The following PLXNC1 variants were observed in gnomAD, a reference collection of about 807,000 sequenced individuals.
PLXNC1 encodes the protein plexin C1.
In PLXNC1, 75 loss-of-function variants were observed where a neutral mutation model predicts 178.2. The observed-to-expected ratio is 0.42, with a 90% CI of 0.35 to 0.51. The LOEUF is 0.51. Among genes scored for constraint, PLXNC1 ranks in the 20% least tolerant of loss-of-function variants. The pLI is 0.02. For missense variants in PLXNC1, 1,503 were observed against 1,984.4 expected, an observed-to-expected ratio of 0.76 and a Z score of 4.61; for synonymous variants, 790 against 779.9, an observed-to-expected ratio of 1.01 and a Z score of -0.22.
At chr12:94,182,554 T>A (rs1172805231) in intron 3 of PLXNC1, among the ~76,000 whole-genome samples, 1 of 148,204 alleles carries the variant, frequency 6.7e-6, no homozygotes, top group Non-Finnish European at 1.5e-5. Flanking sequence ...TGAAACCCCA[T>A]CTCCACTAAA....
chr12:94,277,462 G>A (rs1341633650), intron 21 of PLXNC1, among the ~76,000 whole-genome samples: 2 of 152,102 alleles, frequency 1.3e-5, no homozygotes, highest in Non-Finnish European at 2.9e-5. Context: ...CATAAGTCAC[G>A]GGCTCACATG....
chr12:94,297,080 A>G (rs1245844140), intron 24 of PLXNC1, 109 bp from the exon 25 acceptor site: 2 of 1,039,266 alleles, frequency 1.9e-6, no homozygotes, highest in East Asian at 2.4e-5. Context: ...CAAAAAGCTC[A>G]AGTAACTTCA....
chr12:94,263,969 C>T (rs934694554), intron 20 of PLXNC1, among the ~76,000 whole-genome samples: 4 of 139,374 alleles, frequency 2.9e-5, no homozygotes, highest in Non-Finnish European at 1.6e-5. Flanking sequence ...GCAGGTGAGA[C>T]CCAGTGGAAT....
rs531196539 is a variant in PLXNC1, at chr12:94,229,797, G to C, written c.1980+2562G>C. Among the ~76,000 whole-genome samples, 4 of 152,260 alleles carry C rather than the reference G, an allele frequency of 2.6e-5. No homozygotes were observed. In the East Asian group the frequency reaches 7.7e-4, roughly 29 times the overall value. The stretch of plus-strand genomic sequence containing the variant: ...AGTAACGCACTGTTTGATTACTGTA[G>C]CTTTGTAAAGTAAATTTTGAAATCA... On this transcript the variant is annotated intron_variant, in intron 9 of 30. Coordinates refer to ENST00000258526, the MANE Select transcript of PLXNC1 (RefSeq NM_005761.3).
At chr12:94,158,760 A>AC (rs1429260539) in intron 1 of PLXNC1, among the ~76,000 whole-genome samples, 6 of 152,142 alleles carry the variant, frequency 3.9e-5, no homozygotes, top group Non-Finnish European at 7.4e-5. Context: ...ACGTAACACG[A>AC]CCCTGTCTCT....
intron 4 of PLXNC1, among the ~76,000 whole-genome samples, chr12:94,188,465 C>T (rs921490919): frequency 1.3e-5 from 2 of 151,580 alleles, no homozygotes; most frequent in African/African-American, 2.4e-5. Flanking sequence ...CTGGGATTAC[C>T]GGTACGTGCC....
At chr12:94,262,449 T>G in intron 20 of PLXNC1, 13 of 974,522 alleles carry the variant, frequency 1.3e-5, no homozygotes, top group South Asian at 4.7e-5. Context: ...ATTAGAGGGG[T>G]GAGATGTTCA....
intron 4 of PLXNC1, among the ~76,000 whole-genome samples, chr12:94,194,139 G>A (rs1962829345): frequency 6.6e-6 from 1 of 152,046 alleles, no homozygotes; most frequent in Admixed American, 6.6e-5. Context: ...GGAGGAAAGG[G>A]GGGTTGGGGA....
chr12:94,186,777 C>A, intron 4 of PLXNC1: 1 of 279,620 alleles, frequency 3.6e-6, no homozygotes, highest in South Asian at 5.2e-5. Flanking sequence ...TTCGCCAAGA[C>A]TCAAGAGAGA....
intron 15 of PLXNC1, among the ~76,000 whole-genome samples, chr12:94,252,136 C>A (rs1406315746): frequency 6.6e-6 from 1 of 152,146 alleles, no homozygotes; most frequent in Non-Finnish European, 1.5e-5. Context: ...GACAAATGTT[C>A]ATTTATGTAA....
At chr12:94,273,710 A>C (rs1965728058) in intron 21 of PLXNC1, among the ~76,000 whole-genome samples, 2 of 152,204 alleles carry the variant, frequency 1.3e-5, no homozygotes, top group African/African-American at 4.8e-5. Flanking sequence ...TGTATCACCT[A>C]CAGTGCCCTG....
At chr12:94,170,920 G>A (rs1961818901) in intron 2 of PLXNC1, among the ~76,000 whole-genome samples, 1 of 152,150 alleles carries the variant, frequency 6.6e-6, no homozygotes, top group Non-Finnish European at 1.5e-5. Flanking sequence ...CACCAACCTG[G>A]TCAGGCTTAT....
chr12:94,248,210 C>G lies in PLXNC1; in HGVS notation c.2593-17C>G, dbSNP rs1315911414. ...ACATGTGCTCTGATTTCTCCATCTT[C>G]ATTTTGTTCTTTACAGAAAGAAAAT... is the stretch of plus-strand genomic sequence containing the variant. On this transcript the variant is annotated splice_polypyrimidine_tract_variant and intron_variant, in intron 13 of 30. Transcript: ENST00000258526. 4.4e-6 allele frequency: 7 copies of G among 1,604,352 alleles called. No individual in the cohort carries two copies. Among genetic ancestry groups the G allele is most frequent in the Non-Finnish European group, 6.0e-6 (7 of 1,174,054 alleles).
At chr12:94,196,277 G>A (rs953979891) in intron 4 of PLXNC1, among the ~76,000 whole-genome samples, 33 of 152,096 alleles carry the variant, frequency 2.2e-4, no homozygotes, top group Non-Finnish European at 4.6e-4. Flanking sequence ...GGGAGGGGTC[G>A]GGTCATGGGA....
chr12:94,177,599 G>A (rs1042044761), intron 2 of PLXNC1, among the ~76,000 whole-genome samples: 2 of 151,690 alleles, frequency 1.3e-5, no homozygotes, highest in African/African-American at 4.8e-5. Flanking sequence ...GAGAAAGGAA[G>A]GGAGAGGAGA....
At position 94,285,990 on chromosome 12, in the gene PLXNC1, GTC is replaced by G. The variant is rs547737565; in HGVS notation, c.3879+3594_3879+3595del. On this transcript the variant is annotated intron_variant, in intron 23 of 30. Coordinates refer to ENST00000258526, the MANE Select transcript of PLXNC1 (RefSeq NM_005761.3). ...CCATTAATAGGAGGAGGCAGGGCAAGTCTCTCCAGCAGGGAGAATGAAGAACC... is the reference window on the plus strand; with the variant it reads ...CCATTAATAGGAGGAGGCAGGGCAAGTCTCCAGCAGGGAGAATGAAGAACC... Among the ~76,000 whole-genome samples the G allele has an allele frequency of 4.6e-5, 7 of 152,350 alleles. No individual in the cohort carries two copies. In the South Asian group the frequency reaches 1.0e-3, roughly 23 times the overall value.
chr12:94,284,258 TC>T (rs1966678453), intron 23 of PLXNC1, among the ~76,000 whole-genome samples: 1 of 152,176 alleles, frequency 6.6e-6, no homozygotes, highest in African/African-American at 2.4e-5. Context: ...AATTTGTTAG[TC>T]CTATGAAGGC....
At chr12:94,221,343 G>A (rs1240064486) in intron 6 of PLXNC1, among the ~76,000 whole-genome samples, 1 of 152,100 alleles carries the variant, frequency 6.6e-6, no homozygotes, top group African/African-American at 2.4e-5. Context: ...CCAAGTGAGA[G>A]AGAAAGTGAA....
At chr12:94,285,945 G>A (rs905239386) in intron 23 of PLXNC1, among the ~76,000 whole-genome samples, 9 of 152,320 alleles carry the variant, frequency 5.9e-5, no homozygotes, top group Admixed American at 5.9e-4. Context: ...CGCAGAGGCA[G>A]GGGATGGGGC....
Sources: gnomAD v4.1 joint callset for allele counts (sites outside exome capture counted in the v4.1 genomes callset) on GRCh38, gnomAD v4.1.1 for gene constraint, MANE v1.5 for transcripts, NCBI Gene and HGNC (gene_info 2026-07-23, HGNC 2026-07-21) for gene names.